PACS1: variants seen among roughly 807,000 people sequenced by gnomAD.
PACS1 encodes the protein phosphofurin acidic cluster sorting protein 1.
Under a neutral mutation model 115.0 loss-of-function variants are expected in PACS1, and 24 were observed. The observed-to-expected ratio is 0.21, with a 90% confidence interval of 0.15 to 0.29. The LOEUF (loss-of-function observed/expected upper bound fraction) is 0.29. Among genes scored for constraint, PACS1 ranks in the 10% least tolerant of loss-of-function variants. The pLI is 1.00. For synonymous variants in PACS1, 453 were observed against 504.5 expected, an observed-to-expected ratio of 0.90 and a Z score of 1.37; for missense variants, 838 against 1,251.2, an observed-to-expected ratio of 0.67 and a Z score of 4.98.
intron 1 of PACS1, among the ~76,000 whole-genome samples, chr11:66,106,309 C>T (rs767342472): frequency 5.3e-5 from 8 of 152,146 alleles, no homozygotes; most frequent in African/African-American, 4.8e-5. Context: ...CAGTGGCTCA[C>T]GCCTGTAATC....
chr11:66,181,082 C>A (rs1049876991), intron 1 of PACS1, among the ~76,000 whole-genome samples: 5 of 151,908 alleles, frequency 3.3e-5, no homozygotes, highest in Admixed American at 6.6e-5. Context: ...TCTGGTCTCT[C>A]ATTGTTAATC....
At chr11:66,192,320 A>G (rs1854545079) in intron 1 of PACS1, among the ~76,000 whole-genome samples, 1 of 152,168 alleles carries the variant, frequency 6.6e-6, no homozygotes, top group Non-Finnish European at 1.5e-5. Context: ...CATGATAGGA[A>G]TTGTGCTGGG....
In PACS1 at chr11:66,070,424, G is replaced by A. The variant is rs1214824136; in HGVS notation, c.-63G>A. ...GCCGCGCCCCCGCCGCCGCCGCCGC[G>A]GGGGAAGCCTGGGAGCCAGATCGGC... is the stretch of plus-strand genomic sequence containing the variant. On this transcript the variant is annotated 5_prime_UTR_variant, in exon 1 of 24. Coordinates refer to ENST00000320580, the MANE Select transcript of PACS1 (RefSeq NM_018026.4). This position sits in a 1 kb window ranked among gnomAD's most constrained non-coding sequence, Gnocchi z 5.9. The A allele has an allele frequency of 1.4e-4, 146 of 1,046,142 alleles. No homozygotes were observed. Among genetic ancestry groups the A allele is most frequent in the Middle Eastern group, 7.3e-4 (2 of 2,754 alleles). The allele number at this position is 1,046,142 out of a possible 1,614,324, so 64.8% of individuals were successfully genotyped here.
chr11:66,224,250 C>T (rs1855423224), intron 10 of PACS1, among the ~76,000 whole-genome samples: 3 of 149,106 alleles, frequency 2.0e-5, no homozygotes, highest in Admixed American at 2.0e-4. Context: ...AATATGATGG[C>T]CTAAGGGCCT....
At chr11:66,072,925 T>A (rs1323334338) in intron 1 of PACS1, among the ~76,000 whole-genome samples, 4 of 152,200 alleles carry the variant, frequency 2.6e-5, no homozygotes, top group Non-Finnish European at 5.9e-5. Context: ...TGCCCCTAGG[T>A]CTTTTGGTCA....
intron 1 of PACS1, among the ~76,000 whole-genome samples, chr11:66,175,035 C>T (rs1298958610): frequency 6.6e-6 from 1 of 152,008 alleles, no homozygotes; most frequent in East Asian, 1.9e-4. Context: ...CCTGTAATTC[C>T]AGCTACTCGG....
At chr11:66,215,710 A>C (rs1010632371) in intron 4 of PACS1, among the ~76,000 whole-genome samples, 1 of 151,950 alleles carries the variant, frequency 6.6e-6, no homozygotes, top group Non-Finnish European at 1.5e-5. Flanking sequence ...CAGCCTGGCC[A>C]ACATAGTGAA....
intron 1 of PACS1, among the ~76,000 whole-genome samples, chr11:66,159,305 C>T (rs758630492): frequency 6.6e-6 from 1 of 152,122 alleles, no homozygotes; most frequent in Non-Finnish European, 1.5e-5. Flanking sequence ...GGCGTGGTGG[C>T]ACATGCCTGT....
chr11:66,146,160 A>G (rs1247114342), intron 1 of PACS1, among the ~76,000 whole-genome samples: 1 of 152,190 alleles, frequency 6.6e-6, no homozygotes, highest in Non-Finnish European at 1.5e-5. Context: ...AAAAACAGGA[A>G]AGGGTGGTTC....
chr11:66,083,781 A>AG (rs1277165928), intron 1 of PACS1, among the ~76,000 whole-genome samples: 1 of 152,158 alleles, frequency 6.6e-6, no homozygotes, highest in Non-Finnish European at 1.5e-5. Flanking sequence ...ATAAATGTGG[A>AG]GGAAAAAAAA....
chr11:66,134,207 T>C (rs1858776217), intron 1 of PACS1, among the ~76,000 whole-genome samples: 1 of 151,064 alleles, frequency 6.6e-6, no homozygotes, highest in South Asian at 2.1e-4. Flanking sequence ...CGGCTGAGTT[T>C]CAGTAACAGG....
chr11:66,188,298 G>A (rs891897817), intron 1 of PACS1, among the ~76,000 whole-genome samples: 4 of 151,724 alleles, frequency 2.6e-5, no homozygotes, highest in Admixed American at 2.6e-4. Context: ...TTGCTGTGCA[G>A]AAGCTTTGAA....
chr11:66,166,240 C>T (rs896006021), intron 1 of PACS1, among the ~76,000 whole-genome samples: 9 of 152,086 alleles, frequency 5.9e-5, no homozygotes, highest in Admixed American at 2.0e-4. Flanking sequence ...CTCTGCCTCC[C>T]GGGTTCAAGC....
intron 21 of PACS1, among the ~76,000 whole-genome samples, chr11:66,239,602 G>A (rs1169645527): frequency 6.6e-6 from 1 of 152,232 alleles, no homozygotes; most frequent in Non-Finnish European, 1.5e-5. Flanking sequence ...TTTCTGCCCT[G>A]TTTCACAGTA....
chr11:66,187,228 C>T (rs76904992), intron 1 of PACS1, among the ~76,000 whole-genome samples: 3,654 of 151,990 alleles, frequency 0.024, 180 homozygotes, highest in African/African-American at 0.084. Context: ...TCATGGGGTA[C>T]GTAGAGATGT....
intron 10 of PACS1, among the ~76,000 whole-genome samples, chr11:66,224,865 C>T (rs914176361): frequency 1.3e-5 from 2 of 152,326 alleles, no homozygotes; most frequent in African/African-American, 4.8e-5. Flanking sequence ...TCCCTGGTTT[C>T]CTAGCACTGT....
intron 1 of PACS1, among the ~76,000 whole-genome samples, chr11:66,084,506 G>T (rs1475392230): frequency 6.6e-6 from 1 of 152,062 alleles, no homozygotes; most frequent in Non-Finnish European, 1.5e-5. Context: ...ACCACTGTGT[G>T]TGGAAGCAGG....
intron 1 of PACS1, among the ~76,000 whole-genome samples, chr11:66,073,940 T>A (rs1250387351): frequency 2.0e-5 from 3 of 149,588 alleles, no homozygotes; most frequent in Non-Finnish European, 4.5e-5. Flanking sequence ...TTTTTTTTTT[T>A]TTTAAAAACA....
chr11:66,153,712 C>T (rs938011591), intron 1 of PACS1, among the ~76,000 whole-genome samples: 9 of 152,042 alleles, frequency 5.9e-5, no homozygotes, highest in Non-Finnish European at 1.3e-4. Context: ...ACCCGGGAGA[C>T]GGAGCTTGCA....
Sources: allele counts gnomAD v4.1 joint callset (sites outside exome capture counted in the v4.1 genomes callset), GRCh38; gene constraint gnomAD v4.1.1; non-coding constraint Gnocchi (gnomAD v3.1); transcripts MANE v1.5; gene names NCBI Gene and HGNC (gene_info 2026-07-23, HGNC 2026-07-21).